CELF2: variants seen among roughly 807,000 people sequenced by gnomAD.
CELF2 encodes the protein CUGBP Elav-like family member 2.
Under a neutral mutation model 62.6 loss-of-function variants are expected in CELF2, and 8 were observed. The observed-to-expected ratio is 0.13, with a 90% CI of 0.07 to 0.23. The LOEUF is 0.23. Ranked by LOEUF, CELF2 falls within the 10% of genes least tolerant of loss-of-function variation. The pLI is 1.00. For synonymous variants in CELF2, 258 were observed against 250.0 expected (o/e 1.03, Z -0.30); for missense variants, 333 against 671.0 (o/e 0.50, Z 5.56).
the CELF2 span, among the ~76,000 whole-genome samples, chr10:10,658,441 T>C: frequency 2.6e-5 from 4 of 152,210 alleles, no homozygotes; most frequent in Non-Finnish European, 4.4e-5. Flanking sequence ...TTAAGCAATG[T>C]AATGAGTATG....
intron 1 of CELF2, among the ~76,000 whole-genome samples, chr10:11,027,735 C>T (rs2059456926): frequency 6.6e-6 from 1 of 152,178 alleles, no homozygotes; most frequent in South Asian, 2.1e-4. Flanking sequence ...GCTAGGCGTC[C>T]TTTGCCACTG....
intron 1 of CELF2, among the ~76,000 whole-genome samples, chr10:11,132,362 CA>C (rs2059752351): frequency 1.3e-5 from 2 of 152,046 alleles, no homozygotes; most frequent in South Asian, 4.1e-4. Flanking sequence ...TTCAGGAGAG[CA>C]AAAGCCTAGC....
chr10:11,035,452 G>A lies in CELF2; in HGVS notation c.74+17289G>A, dbSNP rs73571697. On this transcript the variant is annotated intron_variant, in intron 1 of 12. Transcript: ENST00000633077. ...TCCCCGTTCTGGAAAGCTGGGATAGGCAGCTCAGATGCTTCAGATGACTCA... is the reference window on the plus strand; with the variant it reads ...TCCCCGTTCTGGAAAGCTGGGATAGACAGCTCAGATGCTTCAGATGACTCA... Among the ~76,000 whole-genome samples, 1,112 of 152,274 alleles carry A rather than the reference G, an allele frequency of 7.3e-3. 17 individuals carry two copies. Among genetic ancestry groups the A allele is most frequent in the African/African-American group, 0.025 (1,028 of 41,564 alleles).
At chr10:10,640,057 G>A in the CELF2 span, among the ~76,000 whole-genome samples, 1 of 152,156 alleles carries the variant, frequency 6.6e-6, no homozygotes, top group Non-Finnish European at 1.5e-5. Flanking sequence ...CCTCCAAAAA[G>A]CCTTTCCCAA....
At chr10:10,949,849 C>T (rs1359458769) in intron 2 of CELF2, among the ~76,000 whole-genome samples, 2 of 130,858 alleles carry the variant, frequency 1.5e-5, no homozygotes, top group Admixed American at 1.5e-4. Flanking sequence ...AAAAAAAAAA[C>T]TCACCTACAA....
the CELF2 span, among the ~76,000 whole-genome samples, chr10:10,474,280 C>A: frequency 6.6e-6 from 1 of 151,622 alleles, no homozygotes; most frequent in Non-Finnish European, 1.5e-5. Flanking sequence ...CCATTCTCCA[C>A]AAAAAGGGGG....
intron 9 of CELF2, among the ~76,000 whole-genome samples, chr10:11,301,845 G>A (rs953308984): frequency 6.6e-6 from 1 of 152,064 alleles, no homozygotes; most frequent in Non-Finnish European, 1.5e-5. Flanking sequence ...CATGTCGTGA[G>A]GAGCCCCAGT....
chr10:10,961,767 A>G (rs1041218580), intron 2 of CELF2, among the ~76,000 whole-genome samples: 31 of 152,062 alleles, frequency 2.0e-4, no homozygotes, highest in Non-Finnish European at 3.4e-4. Context: ...AAAGAAAAAA[A>G]AAAAGAAAAG....
chr10:10,841,686 T>C (rs1240788609), intron 1 of CELF2, among the ~76,000 whole-genome samples: 1 of 152,172 alleles, frequency 6.6e-6, no homozygotes, highest in Non-Finnish European at 1.5e-5. Flanking sequence ...ATAGTAAGTC[T>C]TGAATTTGGG....
rs1289202387 is a variant in CELF2, at chr10:10,919,911, A to G, written c.54-53A>G. 5.3e-6 allele frequency: 6 copies of G among 1,135,218 alleles called. No individual in the cohort carries two copies. In the East Asian group the frequency reaches 1.9e-4, roughly 36 times the overall value. 70.3% of individuals were successfully genotyped at this position (1,135,218 alleles called of 1,614,324 possible). ...ATTATGTGATTAAATACATTTTCAT[A>G]ATTCACCAAAATAAACTTAATCATA... is the stretch of plus-strand genomic sequence containing the variant. On this transcript the variant is annotated intron_variant, in intron 1 of 13. Transcript: ENST00000636488.
At chr10:10,647,263 A>C in the CELF2 span, among the ~76,000 whole-genome samples, 5 of 152,116 alleles carry the variant, frequency 3.3e-5, no homozygotes, top group Admixed American at 6.5e-5. Context: ...TTGCTGAAGC[A>C]TCACCTGCTG....
chr10:11,238,373 T>C (rs1306885464), intron 3 of CELF2, among the ~76,000 whole-genome samples: 1 of 152,250 alleles, frequency 6.6e-6, no homozygotes, highest in Non-Finnish European at 1.5e-5. Context: ...TCTTTCCATT[T>C]ATCTCCATTT....
the CELF2 span, among the ~76,000 whole-genome samples, chr10:10,547,985 A>G: frequency 6.6e-6 from 1 of 152,170 alleles, no homozygotes; most frequent in Admixed American, 6.5e-5. Context: ...CGGCTCTTTT[A>G]AAATGATTTT....
Position 11,232,149 on chromosome 10 carries a change from C to T in CELF2, c.354+14642C>T, listed in dbSNP as rs146848398. On this transcript the variant is annotated intron_variant, in intron 3 of 12. Transcript: ENST00000633077. ...TAATGCTATCCCTCCCCTCTCCCCC[C>T]ACCCCACAACAGGCCCCGGTGTGTG... Among the ~76,000 whole-genome samples the T allele has an allele frequency of 7.4e-4, 113 of 152,190 alleles. 1 individual carries two copies. In the East Asian group the frequency reaches 0.017, roughly 23 times the overall value.
chr10:10,624,523 A>G, the CELF2 span, among the ~76,000 whole-genome samples: 3 of 152,322 alleles, frequency 2.0e-5, no homozygotes, highest in African/African-American at 4.8e-5. Flanking sequence ...CATTTGGCCA[A>G]TTCGGCTCAT....
At chr10:11,208,076 C>T (rs1048949792) in intron 2 of CELF2, among the ~76,000 whole-genome samples, 3 of 152,258 alleles carry the variant, frequency 2.0e-5, no homozygotes, top group South Asian at 4.1e-4. Context: ...GAGGGGTGCT[C>T]ATCGACTCGT....
intron 4 of CELF2, among the ~76,000 whole-genome samples, chr10:11,254,937 C>T (rs2137651566): frequency 6.6e-6 from 1 of 152,322 alleles, no homozygotes; most frequent in Admixed American, 6.5e-5. Flanking sequence ...TTCCTTTTCT[C>T]CCCTTCCCGT....
At chr10:11,203,009 T>C (rs1444391031) in intron 2 of CELF2, among the ~76,000 whole-genome samples, 1 of 148,572 alleles carries the variant, frequency 6.7e-6, no homozygotes, top group Non-Finnish European at 1.5e-5. Context: ...TCCAAAGGGC[T>C]AAAAAGACTC....
At chr10:10,734,473 A>C in the CELF2 span, among the ~76,000 whole-genome samples, 1 of 152,166 alleles carries the variant, frequency 6.6e-6, no homozygotes, top group Non-Finnish European at 1.5e-5. Context: ...CTGCCCCCAC[A>C]TCCTCTTGTC....
Sources: gnomAD v4.1 joint callset for allele counts (sites outside exome capture counted in the v4.1 genomes callset) on GRCh38, gnomAD v4.1.1 for gene constraint, MANE v1.5 for transcripts, NCBI Gene and HGNC (gene_info 2026-07-23, HGNC 2026-07-21) for gene names.